Variants in SYTL3 observed in about 807,000 individuals in gnomAD.
The protein encoded by SYTL3 is synaptotagmin like 3, also known as synaptotagmin-like protein 3.
SYTL3 carries 88 observed loss-of-function variants against 82.1 expected under a neutral mutation model. The ratio of observed to expected loss-of-function variants is 1.07; its 90% CI spans 0.90 to 1.28. The LOEUF (loss-of-function observed/expected upper bound fraction) is 1.28. Ranked by LOEUF, SYTL3 falls within the 50% of genes most tolerant of loss-of-function variation. The probability of loss-of-function intolerance (pLI) is 0.00; values close to 1 mark genes in which losing one functional copy is unlikely to be tolerated. For missense variants in SYTL3, 831 were observed against 757.6 expected (o/e 1.10, Z -1.14); for synonymous variants, 311 against 289.4 (o/e 1.07, Z -0.76).
chr6:158,719,810 C>G (rs1329312613), intron 10 of SYTL3, among the ~76,000 whole-genome samples: 1 of 152,228 alleles, frequency 6.6e-6, no homozygotes, highest in East Asian at 1.9e-4. Flanking sequence ...TAAAGATCGG[C>G]CGAGCCTGGT....
At chr6:158,724,163 C>T (rs1784441978) in intron 10 of SYTL3, among the ~76,000 whole-genome samples, 1 of 152,160 alleles carries the variant, frequency 6.6e-6, no homozygotes, top group South Asian at 2.1e-4. Context: ...AGCTAGTGAG[C>T]CCTTGGAGGA....
rs1491566891 is a variant in SYTL3, at chr6:158,749,409, AAG to A, written c.1035-2517_1035-2516del. On this transcript the variant is annotated intron_variant, in intron 12 of 17. Coordinates refer to ENST00000611299, the MANE Select transcript of SYTL3 (RefSeq NM_001242394.2). ...CTGTCTGAAAAAAAAAAAAAAAAAA[AAG>A]AAAGAAAAAAATATATAATAAGGGG... 1.8e-3 allele frequency among the ~76,000 whole-genome samples: 186 copies of A among 101,662 alleles called. 4 individuals carry two copies. Among genetic ancestry groups the A allele is most frequent in the African/African-American group, 3.7e-3 (117 of 31,886 alleles). The allele number at this position is 101,662 out of a possible 152,430, so 66.7% of individuals were successfully genotyped here.
At position 158,763,449 on chromosome 6, in the gene SYTL3, T is replaced by A. The variant is rs762199687; in HGVS notation, c.1663T>A (p.Trp555Arg). Residue 555 changes from tryptophan to arginine, a missense_variant, in exon 17 of 18, where the codon TGG becomes AGG. Transcript: ENST00000611299. Reference sequence around the variant, plus strand: ...GCAGTCAAGCTTGGAGTTAACTGTCTGGGATCAGGCCCTCTTTGGAATGAA... The same window carrying A: ...GCAGTCAAGCTTGGAGTTAACTGTCAGGGATCAGGCCCTCTTTGGAATGAA... ...LRQSSLELTV[W>R]DQALFGMNDR... is the part of the protein sequence containing the mutation. 12 of 1,614,200 alleles carry A rather than the reference T, an allele frequency of 7.4e-6. No individual in the cohort carries two copies. Among genetic ancestry groups the A allele is most frequent in the Non-Finnish European group, 1.0e-5 (12 of 1,180,018 alleles).
At chr6:158,711,031 C>G (rs963855458) in intron 8 of SYTL3, among the ~76,000 whole-genome samples, 9 of 152,256 alleles carry the variant, frequency 5.9e-5, no homozygotes, top group Admixed American at 2.0e-4. Flanking sequence ...CTGCCCACCT[C>G]GGGCTCCCAA....
At chr6:158,751,002 G>A (rs1336092592) in intron 12 of SYTL3, among the ~76,000 whole-genome samples, 1 of 152,054 alleles carries the variant, frequency 6.6e-6, no homozygotes, top group African/African-American at 2.4e-5. Context: ...CACCATGCTG[G>A]CCAGGCTGGT....
intron 5 of SYTL3, among the ~76,000 whole-genome samples, chr6:158,676,068 T>C (rs908731614): frequency 1.4e-4 from 22 of 152,194 alleles, no homozygotes; most frequent in Non-Finnish European, 3.2e-4. Flanking sequence ...CAAGTTCATA[T>C]GGAACCAAAA....
intron 12 of SYTL3, among the ~76,000 whole-genome samples, chr6:158,748,088 T>C (rs560368377): frequency 6.6e-5 from 9 of 136,196 alleles, no homozygotes; most frequent in South Asian, 2.3e-4. Flanking sequence ...TTTTTTTTTT[T>C]CCCCACACTT....
intron 6 of SYTL3, among the ~76,000 whole-genome samples, chr6:158,699,208 A>C (rs1340674310): frequency 6.6e-6 from 1 of 152,172 alleles, no homozygotes; most frequent in African/African-American, 2.4e-5. Flanking sequence ...TGATGGAGTC[A>C]CTGTGGGACA....
chr6:158,660,463 T>G (rs1789251435), intron 2 of SYTL3, among the ~76,000 whole-genome samples: 1 of 152,204 alleles, frequency 6.6e-6, no homozygotes, highest in Non-Finnish European at 1.5e-5. Flanking sequence ...TTTCCCACAC[T>G]TGCACCTGGG....
chr6:158,705,049 G>A (rs113745136), intron 6 of SYTL3, among the ~76,000 whole-genome samples: 2 of 82,106 alleles, frequency 2.4e-5, no homozygotes, highest in African/African-American at 1.0e-4. Flanking sequence ...GCCACATAGG[G>A]CAGGAGGGAC....
chr6:158,689,665 T>C (rs914038049), intron 6 of SYTL3, among the ~76,000 whole-genome samples: 61 of 151,798 alleles, frequency 4.0e-4, no homozygotes, highest in Middle Eastern at 6.8e-3. Context: ...TTTTTTTTTT[T>C]CCCCTTGAGA....
Position 158,764,679 on chromosome 6 carries a change from G to A in SYTL3, c.*75G>A. On this transcript the variant is annotated 3_prime_UTR_variant, in exon 18 of 18. Coordinates refer to ENST00000611299, the MANE Select transcript of SYTL3 (RefSeq NM_001242394.2). ...TCTGCAGAGGGGCTACGAACCAGGT[G>A]CAGGGTCCCAGCTGGAGACCCCTTT... The A allele has an allele frequency of 9.2e-7, 1 of 1,088,140 alleles. No homozygotes were observed. The highest frequency in any genetic ancestry group is 1.4e-6 in the Non-Finnish European group (1 of 707,510). 67.4% of individuals were successfully genotyped at this position (1,088,140 alleles called of 1,614,324 possible).
chr6:158,650,127 T>C (rs779810041), intron 1 of SYTL3, 49 bp downstream of exon 1: 1 of 151,122 alleles, frequency 6.6e-6, no homozygotes, highest in Non-Finnish European at 1.5e-5. Flanking sequence ...GTTTTAGGAG[T>C]GGGGGAGTGG....
chr6:158,678,156 C>T (rs980006595), intron 5 of SYTL3, among the ~76,000 whole-genome samples: 4 of 152,160 alleles, frequency 2.6e-5, no homozygotes, highest in Non-Finnish European at 4.4e-5. Flanking sequence ...AGATTACAGG[C>T]GTGTCCCACC....
intron 11 of SYTL3, 77 bp from the exon 12 acceptor site, chr6:158,745,403 G>C (rs1787495954): frequency 7.9e-7 from 1 of 1,259,426 alleles, no homozygotes; most frequent in African/African-American, 1.5e-5. Flanking sequence ...TTTTATTTAT[G>C]TGCTGTCTTG....
At chr6:158,674,640 C>G (rs1200675382) in intron 5 of SYTL3, among the ~76,000 whole-genome samples, 2 of 152,164 alleles carry the variant, frequency 1.3e-5, no homozygotes, top group South Asian at 4.1e-4. Flanking sequence ...GAGGACAGGT[C>G]GGGGCACAGC....
chr6:158,727,938 G>A (rs1005493792), intron 11 of SYTL3, among the ~76,000 whole-genome samples: 3 of 152,166 alleles, frequency 2.0e-5, no homozygotes, highest in Non-Finnish European at 4.4e-5. Context: ...ACTGGAATGT[G>A]ACAATAGAAC....
intron 4 of SYTL3, among the ~76,000 whole-genome samples, chr6:158,664,739 T>C (rs1452041941): frequency 2.0e-5 from 3 of 152,050 alleles, no homozygotes; most frequent in African/African-American, 7.3e-5. Context: ...AATTTTAAAG[T>C]GCATTTCTGA....
At chr6:158,700,336 T>G (rs1408212682) in intron 6 of SYTL3, among the ~76,000 whole-genome samples, 1 of 152,058 alleles carries the variant, frequency 6.6e-6, no homozygotes, top group Non-Finnish European at 1.5e-5. Context: ...AGGCTGGTCT[T>G]GAACTCCTGG....
Sources: allele counts gnomAD v4.1 joint callset (sites outside exome capture counted in the v4.1 genomes callset), GRCh38; gene constraint gnomAD v4.1.1; transcripts MANE v1.5; gene names NCBI Gene and HGNC (gene_info 2026-07-23, HGNC 2026-07-21).